The following TOMM40 variants were observed in gnomAD, a reference collection of about 807,000 sequenced individuals.
TOMM40 encodes the protein translocase of outer mitochondrial membrane 40, also known as mitochondrial import receptor subunit TOM40 homolog.
A neutral mutation model predicts 38.4 loss-of-function variants in TOMM40; 9 were observed. The observed-to-expected ratio is 0.23, with a 90% CI of 0.14 to 0.41. TOMM40 has a LOEUF of 0.41. TOMM40 is among the 10% of genes least tolerant of loss of function. The pLI is 1.00. For synonymous variants in TOMM40, 184 were observed against 210.0 expected (o/e 0.88, Z 1.07); for missense variants, 299 against 486.5 (o/e 0.61, Z 3.63).
At chr19:44,896,027 G>GT (rs1038550518) in intron 5 of TOMM40, among the ~76,000 whole-genome samples, 64 of 152,332 alleles carry the variant, frequency 4.2e-4, no homozygotes, top group African/African-American at 1.4e-3. Context: ...AAGGCCAAGA[G>GT]GAGGTTCTCC....
Position 44,892,269 on chromosome 19 carries a change from A to G in TOMM40, c.275-124A>G, listed in dbSNP as rs1969480832. On this transcript the variant is annotated intron_variant, in intron 1 of 8. Coordinates refer to ENST00000426677, the MANE Select transcript of TOMM40 (RefSeq NM_001128917.2). ...TAACTAGGCTGTACTGCCTCTTTAC[A>G]GGTGGAATCCTTTGTGAGATGTTCT... 5.3e-6 allele frequency: 5 copies of G among 948,364 alleles called. No individual in the cohort carries two copies. In the South Asian group the frequency reaches 6.9e-5, roughly 13 times the overall value. 58.7% of individuals were successfully genotyped at this position (948,364 alleles called of 1,614,324 possible).
rs1012825636 is a variant in TOMM40, at chr19:44,903,491, C to T, written c.*322C>T. ...ACAACCTCAGGGAGGAGTGTCCTGGCGTCCCCATCCTCCAAAGGGCCTGGG... is the reference window on the plus strand; with the variant it reads ...ACAACCTCAGGGAGGAGTGTCCTGGTGTCCCCATCCTCCAAAGGGCCTGGG... On this transcript the variant is annotated 3_prime_UTR_variant, in exon 9 of 9. Coordinates refer to ENST00000426677, the MANE Select transcript of TOMM40 (RefSeq NM_001128917.2). The T allele has an allele frequency of 3.3e-5, 9 of 271,378 alleles. No homozygotes were observed. Among genetic ancestry groups the T allele is most frequent in the South Asian group, 1.3e-4 (3 of 22,288 alleles). The allele number at this position is 271,378 out of a possible 1,614,324, so 16.8% of individuals were successfully genotyped here. A position where few individuals can be genotyped will look rare whatever the true frequency, so the allele number is the denominator to read the frequency against.
chr19:44,897,392 G>A (rs931161175), intron 5 of TOMM40, among the ~76,000 whole-genome samples: 1 of 152,120 alleles, frequency 6.6e-6, no homozygotes, highest in Non-Finnish European at 1.5e-5. Context: ...GATTGAATGA[G>A]GGGATAACAC....
rs1195726408 is a variant in TOMM40 at position 44,894,216 on chromosome 19, G to A, written c.643+150G>A. The A allele has an allele frequency of 2.3e-5, 12 of 517,914 alleles. No individual in the cohort carries two copies. The East Asian group carries it at 4.1e-4, about 18-fold the overall frequency. The allele number at this position is 517,914 out of a possible 1,614,324, so 32.1% of individuals were successfully genotyped here. A position where few individuals can be genotyped will look rare whatever the true frequency, so the allele number is the denominator to read the frequency against. ...AACATCAGGCAACATACTACAGTGGGTGAGACGGTCACCCACTGACCATGA... is the reference window on the plus strand; with the variant it reads ...AACATCAGGCAACATACTACAGTGGATGAGACGGTCACCCACTGACCATGA... On this transcript the variant is annotated intron_variant, in intron 5 of 8. Coordinates refer to ENST00000426677, the MANE Select transcript of TOMM40 (RefSeq NM_001128917.2).
At chr19:44,893,727 C>T (rs939267091) in intron 3 of TOMM40, 53 bp from the exon 4 acceptor site, 2 of 1,476,656 alleles carry the variant, frequency 1.4e-6, no homozygotes, top group African/African-American at 2.8e-5. Flanking sequence ...GCCCATCTCA[C>T]ATACTTGCAC....
intron 5 of TOMM40, among the ~76,000 whole-genome samples, chr19:44,895,648 C>T (rs1004453486): frequency 3.9e-5 from 6 of 152,104 alleles, no homozygotes; most frequent in Non-Finnish European, 7.4e-5. Flanking sequence ...AGCGATTCTC[C>T]TGCCTCAGGC....
chr19:44,893,938 C>A (rs572136942), intron 4 of TOMM40, 23 bp from the exon 5 acceptor site: 2 of 1,594,712 alleles, frequency 1.3e-6, no homozygotes, highest in South Asian at 2.3e-5. Flanking sequence ...GGGAGCCGCC[C>A]TCACACCCCC....
At chr19:44,892,184 C>T (rs995306768) in intron 1 of TOMM40, among the ~76,000 whole-genome samples, 3 of 152,152 alleles carry the variant, frequency 2.0e-5, no homozygotes, top group Non-Finnish European at 4.4e-5. Context: ...ATGAGTTTGA[C>T]CTAAAGTTGC....
At position 44,899,791 on chromosome 19, in the gene TOMM40, C is replaced by CTTTTTTTTTTTT. The variant is rs10524523; in HGVS notation, c.644-915_644-904dup. ...TACTGGCATGAGCCATTGCATCTGG[C>CTTTTTTTTTTTT]TTTTTTTTTTTTTTTTTTTTTTTTT... is the stretch of plus-strand genomic sequence containing the variant. On this transcript the variant is annotated intron_variant, in intron 5 of 8. Coordinates refer to ENST00000426677, the MANE Select transcript of TOMM40 (RefSeq NM_001128917.2). 1.2e-4 allele frequency among the ~76,000 whole-genome samples: 11 copies of CTTTTTTTTTTTT among 90,992 alleles called. 2 individuals are homozygous for CTTTTTTTTTTTT. Among genetic ancestry groups the CTTTTTTTTTTTT allele is most frequent in the South Asian group, 4.6e-4 (1 of 2,174 alleles). The allele number at this position is 90,992 out of a possible 152,430, so 59.7% of individuals were successfully genotyped here. A position where few individuals can be genotyped will look rare whatever the true frequency, so the allele number is the denominator to read the frequency against.
chr19:44,902,827 G>A (rs1969707155), intron 8 of TOMM40: 3 of 597,978 alleles, frequency 5.0e-6, no homozygotes, highest in Non-Finnish European at 8.4e-6. Context: ...AGAGGGCAGG[G>A]GTCACTGAGC....
chr19:44,892,798 A>C (rs1206999873), intron 2 of TOMM40, 39 bp from the exon 3 acceptor site: 3 of 1,536,066 alleles, frequency 2.0e-6, no homozygotes, highest in Non-Finnish European at 2.7e-6. Context: ...GGGCAAGCCT[A>C]TCTGTCCAGT....
chr19:44,900,942 C>T (rs1969668537), intron 6 of TOMM40, 86 bp from the exon 7 acceptor site: 2 of 1,610,220 alleles, frequency 1.2e-6, no homozygotes, highest in South Asian at 1.1e-5. Context: ...GCCCTGGACA[C>T]TCAGGTCTGA....
In TOMM40 at chr19:44,903,678, G is replaced by GA. The variant is rs916895714; in HGVS notation, c.*517dup. On this transcript the variant is annotated 3_prime_UTR_variant, in exon 9 of 9. Transcript: ENST00000426677. ...AAAAAACAACAAAAAATATACGTGG[G>GA]AAAAAAAACGATGGGAGGCCTCCGT... 85 of 152,936 alleles carry GA rather than the reference G, an allele frequency of 5.6e-4. No individual in the cohort carries two copies. The highest frequency in any genetic ancestry group is 1.1e-3 in the Non-Finnish European group (73 of 68,194). The allele number at this position is 152,936 out of a possible 1,614,324, so 9.5% of individuals were successfully genotyped here.
At chr19:44,898,504 GTTGT>G (rs1201727673) in intron 5 of TOMM40, among the ~76,000 whole-genome samples, 45 of 127,160 alleles carry the variant, frequency 3.5e-4, no homozygotes, top group African/African-American at 1.2e-3. Flanking sequence ...CTGCAGATGT[GTTGT>G]TTCTTTTTTT....
At chr19:44,892,341 T>G in intron 1 of TOMM40, 52 bp from the exon 2 acceptor site, 3,182 of 1,512,604 alleles carry the variant, frequency 2.1e-3, no homozygotes, top group Non-Finnish European at 2.7e-3. Flanking sequence ...AAGGAAGAGA[T>G]GAGAGTTGGT....
intron 8 of TOMM40, 24 bp from the exon 9 acceptor site, chr19:44,903,006 T>C (rs1969711792): frequency 6.2e-7 from 1 of 1,607,470 alleles, no homozygotes; most frequent in Non-Finnish European, 8.5e-7. Flanking sequence ...CTGGCACGCC[T>C]CTCACCTCAG....
At chr19:44,898,475 TC>T (rs1969609608) in intron 5 of TOMM40, among the ~76,000 whole-genome samples, 5 of 150,386 alleles carry the variant, frequency 3.3e-5, no homozygotes, top group Admixed American at 3.3e-4. Context: ...CAGTCCCTCT[TC>T]CCCCTTCATT....
chr19:44,892,340 A>T, intron 1 of TOMM40, 53 bp from the exon 2 acceptor site: 34 of 1,550,496 alleles, frequency 2.2e-5, no homozygotes, highest in Non-Finnish European at 3.0e-5. Context: ...GAAGGAAGAG[A>T]TGAGAGTTGG....
Position 44,901,099 on chromosome 19 carries a change from G to A in TOMM40, c.838G>A (p.Asp280Asn). 2 of 1,614,230 alleles carry A rather than the reference G, an allele frequency of 1.2e-6. No individual in the cohort carries two copies. Among genetic ancestry groups the A allele is most frequent in the Non-Finnish European group, 1.7e-6 (2 of 1,180,048 alleles). ...CGCAACATACTACCACAAAGCCAGT[G>A]ACCAGGTGAGTGGGTGCAGGGACTA... Reference protein sequence around the residue: ...MHATYYHKASDQLQVGVEFEA... With the variant: ...MHATYYHKASNQLQVGVEFEA... The change falls in exon 7 of 9, where the codon GAC (aspartate) becomes AAC (asparagine). Residue 280 changes from aspartate (D) to asparagine (N), a missense_variant. By Grantham distance (23) the Asp-to-Asn change is conservative. Transcript: ENST00000426677.
Sources: gnomAD v4.1 joint callset for allele counts (sites outside exome capture counted in the v4.1 genomes callset) on GRCh38, gnomAD v4.1.1 for gene constraint, MANE v1.5 for transcripts, NCBI Gene and HGNC (gene_info 2026-07-23, HGNC 2026-07-21) for gene names.